The following INTS3 variants were observed in gnomAD, a reference collection of about 807,000 sequenced individuals.
INTS3 encodes the protein SOSS complex subunit A.
Under a neutral mutation model 146.3 loss-of-function variants are expected in INTS3, and 34 were observed. The observed-to-expected ratio is 0.23, with a 90% CI of 0.18 to 0.31. The LOEUF (loss-of-function observed/expected upper bound fraction) is 0.31. Among genes scored for constraint, INTS3 ranks in the 10% least tolerant of loss-of-function variants. The pLI, the probability that INTS3 is intolerant of heterozygous loss-of-function variation, is 1.00. For synonymous variants in INTS3, 475 were observed against 494.9 expected, an observed-to-expected ratio of 0.96 and a Z score of 0.53; for missense variants, 757 against 1,304.2, an observed-to-expected ratio of 0.58 and a Z score of 6.46.
At chr1:153,752,161 C>T in intron 7 of INTS3, 118 bp from the exon 8 acceptor site, 1 of 1,030,146 alleles carries the variant, frequency 9.7e-7, no homozygotes, top group African/African-American at 1.6e-5. Flanking sequence ...ATCATAGTTT[C>T]TTCAACCCTC....
rs182375540 is a variant in INTS3 at position 153,765,252 on chromosome 1, T to C, written c.2090+189T>C. 1.3e-4 allele frequency among the ~76,000 whole-genome samples: 20 copies of C among 152,270 alleles called. No individual in the cohort carries two copies. In the East Asian group the frequency reaches 3.1e-3, roughly 24 times the overall value. ...CCTGATGACACTGCGGCTCAGTGCA[T>C]GTCACTCACTGCAGCTTCAGACTCC... On this transcript the variant is annotated intron_variant, in intron 20 of 29. Transcript: ENST00000318967.
At position 153,772,479 on chromosome 1, in the gene INTS3, T is replaced by C; in HGVS notation, c.2821+39T>C. 6.2e-7 allele frequency: 1 copy of C among 1,614,048 alleles called. No individual in the cohort carries two copies. Among genetic ancestry groups the C allele is most frequent in the Non-Finnish European group, 8.5e-7 (1 of 1,179,974 alleles). ...CCTCGGCGTCCAGTGTAGACGGTGCTGCCCTGGCCCAGACTATGCCTGGAG... is the reference window on the plus strand; with the variant it reads ...CCTCGGCGTCCAGTGTAGACGGTGCCGCCCTGGCCCAGACTATGCCTGGAG... On this transcript the variant is annotated intron_variant, in intron 27 of 29. Coordinates refer to ENST00000318967, the MANE Select transcript of INTS3 (RefSeq NM_023015.5). The surrounding 1 kb of genome is among the most constrained non-coding windows in gnomAD (Gnocchi z 4.6).
At chr1:153,770,058 G>GGTGTGTGTGT in intron 23 of INTS3, 140 bp from the exon 24 acceptor site, 4 of 439,650 alleles carry the variant, frequency 9.1e-6, no homozygotes, top group South Asian at 4.2e-5. Flanking sequence ...AGTGGATTGG[G>GGTGTGTGTGT]GTGTGTGTGT....
intron 13 of INTS3, 163 bp from the exon 14 acceptor site, chr1:153,761,407 G>A: frequency 1.7e-6 from 1 of 595,680 alleles, no homozygotes; most frequent in Non-Finnish European, 3.0e-6. Flanking sequence ...CTACTTGAGA[G>A]GCTGAGGCAC....
At chr1:153,746,393 C>A (rs1671736386) in intron 3 of INTS3, among the ~76,000 whole-genome samples, 1 of 152,156 alleles carries the variant, frequency 6.6e-6, no homozygotes, top group Non-Finnish European at 1.5e-5. Context: ...GCAGGCTTTT[C>A]TCTCCCCTGC....
chr1:153,747,903 C>A, intron 5 of INTS3: 1 of 160,796 alleles, frequency 6.2e-6, no homozygotes, highest in Non-Finnish European at 1.4e-5. Context: ...CATATTCAAG[C>A]GGCTACTCCC....
intron 1 of INTS3, among the ~76,000 whole-genome samples, chr1:153,733,851 C>A (rs911327817): frequency 1.3e-5 from 2 of 152,100 alleles, no homozygotes; most frequent in Non-Finnish European, 2.9e-5. Context: ...GATTCGCCCC[C>A]CTCAGCCTCC....
At position 153,728,074 on chromosome 1, in the gene INTS3, C is replaced by G. The variant is rs1255649715; in HGVS notation, c.-561C>G. ...CGCCTTCCCACCCCCCGCCCTTCCA[C>G]TATGGCCGCTTCTGTGTGGTGTGGG... is the stretch of plus-strand genomic sequence containing the variant. On this transcript the variant is annotated 5_prime_UTR_variant, in exon 1 of 30. Coordinates refer to ENST00000318967, the MANE Select transcript of INTS3 (RefSeq NM_023015.5). 4.5e-5 allele frequency: 8 copies of G among 176,438 alleles called. No homozygotes were observed. The highest frequency in any genetic ancestry group is 2.0e-3 in the Middle Eastern group (1 of 496). 10.9% of individuals were successfully genotyped at this position (176,438 alleles called of 1,614,324 possible). A position where few individuals can be genotyped will look rare whatever the true frequency, so the allele number is the denominator to read the frequency against.
intron 8 of INTS3, among the ~76,000 whole-genome samples, chr1:153,753,235 A>G (rs1412778611): frequency 6.6e-6 from 1 of 152,120 alleles, no homozygotes. Flanking sequence ...CCCTGTGAGT[A>G]TTTTAGTTTC....
intron 7 of INTS3, 44 bp from the exon 8 acceptor site, chr1:153,752,235 T>C (rs914984981): frequency 2.5e-6 from 4 of 1,599,202 alleles, no homozygotes; most frequent in Non-Finnish European, 3.4e-6. Context: ...ACAATCCATG[T>C]TTTTATTCTC....
chr1:153,768,858 C>G (rs1287456894), intron 21 of INTS3, 35 bp from the exon 22 acceptor site: 1 of 1,547,262 alleles, frequency 6.5e-7, no homozygotes, highest in South Asian at 1.1e-5. Context: ...CTGAGGAGCC[C>G]ATCCAGGACT....
chr1:153,762,652 C>T, intron 14 of INTS3, 76 bp from the exon 15 acceptor site: 3 of 1,555,284 alleles, frequency 1.9e-6, no homozygotes, highest in Non-Finnish European at 2.6e-6. Flanking sequence ...GCCCTCCATT[C>T]TCCCTTCCTA....
intron 24 of INTS3, 97 bp downstream of exon 24, chr1:153,770,408 T>C: frequency 1.2e-6 from 1 of 834,872 alleles, no homozygotes; most frequent in Non-Finnish European, 2.1e-6. Flanking sequence ...TGAGCCCAGA[T>C]CCATTGTCCT....
chr1:153,767,526 G>A lies in INTS3; in HGVS notation c.2091-148G>A. 4.4e-6 allele frequency: 3 copies of A among 679,596 alleles called. 1 individual carries two copies. Among genetic ancestry groups the A allele is most frequent in the African/African-American group, 1.9e-5 (1 of 54,042 alleles). The allele number at this position is 679,596 out of a possible 1,614,324, so 42.1% of individuals were successfully genotyped here. ...GGTTCCCCTGAGTTATCAAGCCCCT[G>A]TGGGAGGCAGTTGGGAGGGACATGA... On this transcript the variant is annotated intron_variant, in intron 20 of 29. Transcript: ENST00000318967.
At chr1:153,739,768 C>G (rs779760550) in intron 1 of INTS3, among the ~76,000 whole-genome samples, 2 of 152,090 alleles carry the variant, frequency 1.3e-5, no homozygotes, top group Non-Finnish European at 2.9e-5. Flanking sequence ...TGCATCTGGC[C>G]TAAGTCCCTT....
chr1:153,743,341 G>A (rs1671607985), intron 3 of INTS3, among the ~76,000 whole-genome samples: 1 of 152,158 alleles, frequency 6.6e-6, no homozygotes, highest in South Asian at 2.1e-4. Context: ...GAATCTTCAT[G>A]GGCTGAGATG....
In INTS3 at chr1:153,757,870, T is replaced by C; in HGVS notation, c.1149+107T>C. 1 of 828,452 alleles carries C rather than the reference T, an allele frequency of 1.2e-6. No homozygotes were observed. Among genetic ancestry groups the C allele is most frequent in the Non-Finnish European group, 1.9e-6 (1 of 514,518 alleles). The allele number at this position is 828,452 out of a possible 1,614,324, so 51.3% of individuals were successfully genotyped here. ...GCCACTTGACCCCTAAGGGCCCTTC[T>C]TTCACTCTGGTCTTCCAGAGTGTCT... On this transcript the variant is annotated intron_variant, in intron 10 of 29. Transcript: ENST00000318967. The surrounding 1 kb of genome is among the most constrained non-coding windows in gnomAD (Gnocchi z 4.0).
chr1:153,767,611 C>G, intron 20 of INTS3, 63 bp from the exon 21 acceptor site: 1 of 1,484,256 alleles, frequency 6.7e-7, no homozygotes, highest in Non-Finnish European at 9.0e-7. Flanking sequence ...GAGCCTGCTT[C>G]GGGGATGCTT....
Position 153,748,675 on chromosome 1 carries a change from C to G in INTS3, c.518-14C>G. 1.2e-6 allele frequency: 2 copies of G among 1,610,884 alleles called. No homozygotes were observed. The highest frequency in any genetic ancestry group is 1.7e-6 in the Non-Finnish European group (2 of 1,177,106). ...CTAATCGGAGCTATTCTTTTTTTCC[C>G]CTTTTGAAATCAGGTGGAGATGTTA... On this transcript the variant is annotated splice_polypyrimidine_tract_variant and intron_variant, in intron 5 of 29. Coordinates refer to ENST00000318967, the MANE Select transcript of INTS3 (RefSeq NM_023015.5).
Sources: allele counts gnomAD v4.1 joint callset (sites outside exome capture counted in the v4.1 genomes callset), GRCh38; gene constraint gnomAD v4.1.1; non-coding constraint Gnocchi (gnomAD v3.1); transcripts MANE v1.5; gene names NCBI Gene and HGNC (gene_info 2026-07-23, HGNC 2026-07-21).